Variants in NAALADL2 observed in about 807,000 individuals in gnomAD.
NAALADL2 encodes the protein inactive N-acetylated-alpha-linked acidic dipeptidase-like protein 2.
Under a neutral mutation model 87.2 loss-of-function variants are expected in NAALADL2, and 76 were observed. The observed-to-expected ratio is 0.87, with a 90% CI of 0.72 to 1.05. The LOEUF is 1.05. NAALADL2 is among the 50% of genes least tolerant of loss of function. NAALADL2 has a pLI of 0.00. For synonymous variants in NAALADL2, 354 were observed against 331.0 expected, an observed-to-expected ratio of 1.07 and a Z score of -0.75; for missense variants, 1,089 against 945.8, an observed-to-expected ratio of 1.15 and a Z score of -1.99.
chr3:175,198,172 T>A (rs1386120432), intron 2 of NAALADL2, among the ~76,000 whole-genome samples: 1 of 152,072 alleles, frequency 6.6e-6, no homozygotes, highest in Non-Finnish European at 1.5e-5. Flanking sequence ...TGAATATGCT[T>A]TGAAGTTGTT....
chr3:175,446,473 C>T (rs1367055562), intron 5 of NAALADL2, among the ~76,000 whole-genome samples: 1 of 152,118 alleles, frequency 6.6e-6, no homozygotes, highest in Non-Finnish European at 1.5e-5. Context: ...AAATCCTGAC[C>T]TCAAGTGATC....
At chr3:175,469,061 T>A (rs2149285557) in intron 8 of NAALADL2, among the ~76,000 whole-genome samples, 1 of 152,208 alleles carries the variant, frequency 6.6e-6, no homozygotes, top group East Asian at 1.9e-4. Flanking sequence ...TGTCTCTGAA[T>A]GTTTATATAT....
rs182934936 is a variant in NAALADL2 at position 175,093,005 on chromosome 3, A to G, written c.44-3785A>G. Among the ~76,000 whole-genome samples the G allele has an allele frequency of 2.6e-5, 4 of 152,028 alleles. No homozygotes were observed. In the East Asian group the frequency reaches 5.8e-4, roughly 22 times the overall value. ...GTCACAAGTTTCTATAAATTCCTCT[A>G]TACTAAAGTATATCTCTTTTAGATA... On this transcript the variant is annotated intron_variant, in intron 1 of 13. Transcript: ENST00000454872.
chr3:174,752,906 G>A (rs1013139386), intron 3 of NAALADL2, among the ~76,000 whole-genome samples: 1 of 152,096 alleles, frequency 6.6e-6, no homozygotes, highest in African/African-American at 2.4e-5. Flanking sequence ...GATACTAATG[G>A]TAGATTAAAC....
intron 3 of NAALADL2, among the ~76,000 whole-genome samples, chr3:175,241,138 TTC>T: frequency 6.6e-6 from 1 of 152,334 alleles, no homozygotes. Flanking sequence ...CAGTGTGACC[TTC>T]TGTTTCTCAT....
intron 1 of NAALADL2, among the ~76,000 whole-genome samples, chr3:174,896,844 A>G (rs1194983280): frequency 3.3e-5 from 5 of 152,164 alleles, no homozygotes; most frequent in Admixed American, 3.3e-4. Flanking sequence ...CCAATGGAAC[A>G]CAATAGAGAA....
chr3:175,421,388 G>T (rs759507322), intron 5 of NAALADL2, among the ~76,000 whole-genome samples: 2 of 152,030 alleles, frequency 1.3e-5, no homozygotes, highest in African/African-American at 4.8e-5. Context: ...TCTGGCAGTG[G>T]TGTCTGGAAA....
chr3:175,620,976 A>G (rs1726145999), intron 10 of NAALADL2, among the ~76,000 whole-genome samples: 1 of 152,138 alleles, frequency 6.6e-6, no homozygotes. Context: ...TAGGGTTTTT[A>G]TAGGTTTGGA....
chr3:174,606,875 C>G (rs926362559), intron 2 of NAALADL2, among the ~76,000 whole-genome samples: 1 of 152,120 alleles, frequency 6.6e-6, no homozygotes, highest in Non-Finnish European at 1.5e-5. Flanking sequence ...TCGTCAGATT[C>G]ACCAAAGTTG....
chr3:175,653,227 C>CAA (rs980874924), intron 11 of NAALADL2, among the ~76,000 whole-genome samples: 2 of 145,212 alleles, frequency 1.4e-5, no homozygotes, highest in African/African-American at 5.1e-5. Context: ...GGAAGGAAGG[C>CAA]AAAAAAAAAA....
intron 13 of NAALADL2, chr3:175,767,790 C>G (rs1748928431): frequency 6.6e-6 from 1 of 152,096 alleles, no homozygotes; most frequent in South Asian, 2.1e-4. Flanking sequence ...GTTCCAGCCG[C>G]CTGCAGTTCT....
intron 2 of NAALADL2, among the ~76,000 whole-genome samples, chr3:174,663,100 A>T (rs1725655749): frequency 1.3e-5 from 2 of 152,206 alleles, no homozygotes; most frequent in Admixed American, 1.3e-4. Flanking sequence ...ATTGTTTAAA[A>T]ATATATTCCA....
chr3:174,597,643 C>T (rs1267143879), intron 2 of NAALADL2, among the ~76,000 whole-genome samples: 1 of 152,214 alleles, frequency 6.6e-6, no homozygotes, highest in Non-Finnish European at 1.5e-5. Context: ...CAAATCTGGT[C>T]TTACCCATCC....
chr3:175,464,804 C>A (rs377732960), intron 7 of NAALADL2, among the ~76,000 whole-genome samples: 12 of 152,224 alleles, frequency 7.9e-5, no homozygotes, highest in Middle Eastern at 3.4e-3. Context: ...GATTATAGTT[C>A]TTTAAATACA....
intron 1 of NAALADL2, among the ~76,000 whole-genome samples, chr3:174,938,354 T>C (rs1014588351): frequency 6.6e-6 from 1 of 152,122 alleles, no homozygotes; most frequent in Non-Finnish European, 1.5e-5. Flanking sequence ...AAAGACGTGA[T>C]CTCCTTCCTT....
In NAALADL2 at chr3:175,278,280, A is replaced by G. The variant is rs1753856786; in HGVS notation, c.939+21750A>G. Among the ~76,000 whole-genome samples, 3 of 152,314 alleles carry G rather than the reference A, an allele frequency of 2.0e-5. No individual in the cohort carries two copies. The South Asian group carries it at 6.2e-4, about 32-fold the overall frequency. On this transcript the variant is annotated intron_variant, in intron 4 of 13. Coordinates refer to ENST00000454872, the MANE Select transcript of NAALADL2 (RefSeq NM_207015.3). ...TAGCACCATGCAGTCCTTGATACACAGTAGGAGTGTCTCAAAAATTATATG... is the reference window on the plus strand; with the variant it reads ...TAGCACCATGCAGTCCTTGATACACGGTAGGAGTGTCTCAAAAATTATATG...
intron 10 of NAALADL2, among the ~76,000 whole-genome samples, chr3:175,598,777 T>C (rs1722575779): frequency 6.6e-6 from 1 of 152,178 alleles, no homozygotes; most frequent in Non-Finnish European, 1.5e-5. Flanking sequence ...TCAGGTTACT[T>C]AATCCTTCAC....
In NAALADL2 at chr3:174,464,379, A is replaced by ATTT. The variant is rs35463381; in HGVS notation, c.-184+23359_-184+23361dup. ...ATCATTTTTTAAAGTTGTTGGATTC[A>ATTT]TTTTTTTTTTTTTTGGTGCAATTTT... On this transcript the variant is annotated intron_variant, in intron 1 of 3. Transcript: ENST00000434257. Among the ~76,000 whole-genome samples, 62 of 131,508 alleles carry ATTT rather than the reference A, an allele frequency of 4.7e-4. 1 individual carries two copies. The highest frequency in any genetic ancestry group is 9.9e-4 in the Admixed American group (13 of 13,140). 86.3% of individuals were successfully genotyped at this position (131,508 alleles called of 152,430 possible).
At chr3:174,951,321 G>T (rs759197619) in intron 1 of NAALADL2, among the ~76,000 whole-genome samples, 11 of 151,610 alleles carry the variant, frequency 7.3e-5, no homozygotes, top group Non-Finnish European at 1.2e-4. Context: ...CATTAGAACA[G>T]CAAACTAGGG....
Sources: allele counts gnomAD v4.1 joint callset (sites outside exome capture counted in the v4.1 genomes callset), GRCh38; gene constraint gnomAD v4.1.1; transcripts MANE v1.5; gene names NCBI Gene and HGNC (gene_info 2026-07-23, HGNC 2026-07-21).